Variants in CUL9 observed in about 807,000 individuals in gnomAD.
CUL9 encodes cullin 9, also known as cullin-9.
Under a neutral mutation model 272.6 loss-of-function variants are expected in CUL9, and 79 were observed. That is an observed-to-expected ratio of 0.29 (90% CI 0.24 to 0.35). The LOEUF (loss-of-function observed/expected upper bound fraction) is 0.35. Among genes scored for constraint, CUL9 ranks in the 10% least tolerant of loss-of-function variants. CUL9 has a pLI of 1.00. For synonymous variants in CUL9, 1,186 were observed against 1,286.5 expected (o/e 0.92, Z 1.67); for missense variants, 2,532 against 3,255.6 (o/e 0.78, Z 5.41).
rs754022327 is a variant in CUL9 at position 43,199,368 on chromosome 6, C to T, written c.3153C>T (p.Ser1051=). ...LNCLSGPSSD[S]EIVQELTCFL... is the part of the protein sequence containing the mutation. Reference sequence around the variant, plus strand: ...GCCTGAGTGGCCCTAGCAGTGACTCCGAGGTACCAGAACCCTGGCAAGGAG... The same window carrying T: ...GCCTGAGTGGCCCTAGCAGTGACTCTGAGGTACCAGAACCCTGGCAAGGAG... The change falls in exon 13 of 41, where the codon TCC becomes TCT. Residue 1051 remains serine, a synonymous_variant. Coordinates refer to ENST00000252050, the MANE Select transcript of CUL9 (RefSeq NM_015089.4). The surrounding 1 kb of genome is among the most constrained non-coding windows in gnomAD (Gnocchi z 4.4). The T allele has an allele frequency of 1.8e-5, 29 of 1,611,214 alleles. No individual in the cohort carries two copies. Among genetic ancestry groups the T allele is most frequent in the Admixed American group, 1.5e-4 (9 of 59,930 alleles).
At chr6:43,187,600 T>C (rs1181065936) in intron 6 of CUL9, 113 bp from the exon 7 acceptor site, 20 of 1,352,632 alleles carry the variant, frequency 1.5e-5, no homozygotes, top group Non-Finnish European at 2.0e-5. Context: ...GCTGTGAGGG[T>C]CTAGTATGTA....
chr6:43,198,562 G>C, intron 11 of CUL9, 47 bp from the exon 12 acceptor site: 1 of 1,604,178 alleles, frequency 6.2e-7, no homozygotes, highest in South Asian at 1.1e-5. Context: ...TGACAAACTG[G>C]TAAGACTCTT....
rs777030175 is a variant in CUL9 at position 43,193,040 on chromosome 6, C to T, written c.2220C>T (p.Asn740=). The T allele has an allele frequency of 2.5e-6, 4 of 1,614,038 alleles. No individual in the cohort carries two copies. The South Asian group carries it at 3.3e-5, about 13-fold the overall frequency. Residue 740 remains asparagine (N), a synonymous_variant, in exon 9 of 41, where the codon AAC becomes AAT. Transcript: ENST00000252050. ...AGATGCTGGTGGAGCTGCTGACCAA[C>T]CAGGTGGGAGAGAAGATGGTGGTCG... is the stretch of plus-strand genomic sequence containing the variant. The part of the protein sequence containing the change: ...LVKMLVELLT[N]QVGEKMVVVQ...
intron 8 of CUL9, 193 bp downstream of exon 8, chr6:43,188,908 A>G (rs1443459248): frequency 3.7e-6 from 2 of 543,730 alleles, no homozygotes; most frequent in East Asian, 3.0e-5. Context: ...TATGCCAGGC[A>G]CTGTGCTAGT....
At chr6:43,190,778 G>C (rs1425649352) in intron 8 of CUL9, among the ~76,000 whole-genome samples, 1 of 152,138 alleles carries the variant, frequency 6.6e-6, no homozygotes, top group Non-Finnish European at 1.5e-5. Flanking sequence ...TTCTCCTTCT[G>C]TGTTCTTTCC....
Position 43,224,457 on chromosome 6 carries a change from C to T in CUL9, c.*12C>T, listed in dbSNP as rs1168091326. 3 of 1,610,136 alleles carry T rather than the reference C, an allele frequency of 1.9e-6. No homozygotes were observed. The highest frequency in any genetic ancestry group is 1.3e-5 in the African/African-American group (1 of 74,768). On this transcript the variant is annotated 3_prime_UTR_variant, in exon 41 of 41. Coordinates refer to ENST00000252050, the MANE Select transcript of CUL9 (RefSeq NM_015089.4). This position sits in a 1 kb window ranked among gnomAD's most constrained non-coding sequence, Gnocchi z 4.2. ...AGGCCTATGACTGAGGGGGCAGATG[C>T]AGGAAACACCTAGAGCAGCCCCAGA...
intron 29 of CUL9, among the ~76,000 whole-genome samples, chr6:43,214,422 G>GA (rs1340317282): frequency 1.4e-4 from 21 of 151,376 alleles, no homozygotes; most frequent in Non-Finnish European, 3.0e-5. Flanking sequence ...GTCTCAAAAA[G>GA]AAAAAAAGTC....
In CUL9 at chr6:43,213,692, C is replaced by G; in HGVS notation, c.5489-21C>G. 6.2e-7 allele frequency: 1 copy of G among 1,610,502 alleles called. No homozygotes were observed. Among genetic ancestry groups the G allele is most frequent in the Non-Finnish European group, 8.5e-7 (1 of 1,178,274 alleles). On this transcript the variant is annotated intron_variant, in intron 28 of 40. Coordinates refer to ENST00000252050, the MANE Select transcript of CUL9 (RefSeq NM_015089.4). This position sits in a 1 kb window ranked among gnomAD's most constrained non-coding sequence, Gnocchi z 5.7. ...TCTGTCCCTCTGCCTCCTCTGGTAC[C>G]TGACCGGGAGCGGGTTCCAGGTGTG...
At chr6:43,216,847 T>G (rs1354627723) in intron 31 of CUL9, among the ~76,000 whole-genome samples, 1 of 152,208 alleles carries the variant, frequency 6.6e-6, no homozygotes, top group African/African-American at 2.4e-5. Flanking sequence ...ACAGGAAGTT[T>G]TAAAGCCTCC....
intron 26 of CUL9, among the ~76,000 whole-genome samples, chr6:43,207,397 T>G (rs761812361): frequency 1.5e-4 from 23 of 152,226 alleles, no homozygotes; most frequent in Non-Finnish European, 3.1e-4. Context: ...TACAGTATTC[T>G]GCTGTGTCTG....
At chr6:43,190,652 A>G (rs1265057271) in intron 8 of CUL9, among the ~76,000 whole-genome samples, 1 of 152,212 alleles carries the variant, frequency 6.6e-6, no homozygotes, top group Non-Finnish European at 1.5e-5. Context: ...ATTATCTGGT[A>G]TATAATAAAT....
At chr6:43,214,989 G>C (rs926108529) in intron 29 of CUL9, 90 bp from the exon 30 acceptor site, 68 of 1,448,468 alleles carry the variant, frequency 4.7e-5, no homozygotes, top group Non-Finnish European at 6.1e-5. Flanking sequence ...AAAAAAAGGG[G>C]GGGAAAAATA....
At position 43,223,907 on chromosome 6, in the gene CUL9, G is replaced by T; in HGVS notation, c.7285-188G>T. The T allele has an allele frequency of 1.6e-6, 1 of 636,960 alleles. No homozygotes were observed. The allele number at this position is 636,960 out of a possible 1,614,324, so 39.5% of individuals were successfully genotyped here. The stretch of plus-strand genomic sequence containing the variant: ...AAGCACAGGGTCGTGTGCCTCACCT[G>T]GTACCCCGTATCCCTGGAGACCATC... On this transcript the variant is annotated intron_variant, in intron 39 of 40. Transcript: ENST00000252050. This position sits in a 1 kb window ranked among gnomAD's most constrained non-coding sequence, Gnocchi z 4.1.
intron 3 of CUL9, 27 bp downstream of exon 3, chr6:43,185,637 T>A (rs748979879): frequency 4.4e-6 from 7 of 1,604,054 alleles, no homozygotes; most frequent in Non-Finnish European, 5.1e-6. Context: ...AGGGAAATGC[T>A]GTGTACAAGG....
Position 43,224,400 on chromosome 6 carries a change from C to G in CUL9, c.7509C>G (p.Phe2503Leu). 1.2e-6 allele frequency: 2 copies of G among 1,614,128 alleles called. No individual in the cohort carries two copies. Among genetic ancestry groups the G allele is most frequent in the Non-Finnish European group, 1.7e-6 (2 of 1,180,026 alleles). The change falls in exon 41 of 41, where the codon TTC (phenylalanine) becomes TTG (leucine). Residue 2503 changes from phenylalanine (F) to leucine (L), a missense_variant. Around this residue, in one of 3 missense-constraint regions of CUL9, gnomAD observed 237 missense variants for 305.9 expected, o/e 0.77. Transcript: ENST00000252050. The surrounding 1 kb of genome is among the most constrained non-coding windows in gnomAD (Gnocchi z 4.2). ...DESENLDQETFFFGDEEEDED... is the reference protein window; with the variant it reads ...DESENLDQETLFFGDEEEDED... ...CTGAGAACCTGGACCAAGAGACTTTCTTCTTTGGTGATGAGGAAGAGGATG... is the reference window on the plus strand; with the variant it reads ...CTGAGAACCTGGACCAAGAGACTTTGTTCTTTGGTGATGAGGAAGAGGATG...
Position 43,199,178 on chromosome 6 carries a change from C to T in CUL9, c.3051-88C>T, listed in dbSNP as rs368395151. On this transcript the variant is annotated intron_variant, in intron 12 of 40. Transcript: ENST00000252050. The surrounding 1 kb of genome is among the most constrained non-coding windows in gnomAD (Gnocchi z 4.4). ...CTCGAACTCCCGACCTCAGGTGATC[C>T]GCCCACTTCGGCCTCCCAAAGTGCT... The T allele has an allele frequency of 4.0e-5, 44 of 1,101,540 alleles. No individual in the cohort carries two copies. The African/African-American group carries it at 4.9e-4, about 12-fold the overall frequency. 68.2% of individuals were successfully genotyped at this position (1,101,540 alleles called of 1,614,324 possible). A position where few individuals can be genotyped will look rare whatever the true frequency, so the allele number is the denominator to read the frequency against.
At chr6:43,210,818 A>G (rs1462120190) in intron 26 of CUL9, among the ~76,000 whole-genome samples, 21 of 152,014 alleles carry the variant, frequency 1.4e-4, no homozygotes, top group Admixed American at 1.4e-3. Context: ...GTTTTTGTTT[A>G]CCCTTCTTAT....
At position 43,199,261 on chromosome 6, in the gene CUL9, A is replaced by C; in HGVS notation, c.3051-5A>C. On this transcript the variant is annotated splice_polypyrimidine_tract_variant and splice_region_variant and intron_variant, in intron 12 of 40. Coordinates refer to ENST00000252050, the MANE Select transcript of CUL9 (RefSeq NM_015089.4). The surrounding 1 kb of genome is among the most constrained non-coding windows in gnomAD (Gnocchi z 4.4). ...TGACTTCACTCGTTTCTACCCCCTC[A>C]CCAGGGTCATAACCCGACTGCTGGA... 1 of 1,611,228 alleles carries C rather than the reference A, an allele frequency of 6.2e-7. No individual in the cohort carries two copies. Among genetic ancestry groups the C allele is most frequent in the South Asian group, 1.1e-5 (1 of 91,030 alleles).
chr6:43,213,156 C>G lies in CUL9; in HGVS notation c.5220C>G (p.Asn1740Lys). The G allele has an allele frequency of 6.2e-7, 1 of 1,614,068 alleles. No individual in the cohort carries two copies. Among genetic ancestry groups the G allele is most frequent in the Non-Finnish European group, 8.5e-7 (1 of 1,179,968 alleles). The change falls in exon 27 of 41, where the codon AAC becomes AAG. Residue 1740 changes from asparagine (N) to lysine (K), a missense_variant. Transcript: ENST00000252050. The surrounding 1 kb of genome is among the most constrained non-coding windows in gnomAD (Gnocchi z 5.7). Reference protein sequence around the residue: ...RFSSFYSQSQNHPVLDMGPHR... With the variant: ...RFSSFYSQSQKHPVLDMGPHR... ...TCCTTGACACTTGCCTAGGTCAGAACCATCCAGTCCTGGACATGGGACCAC... is the reference window on the plus strand; with the variant it reads ...TCCTTGACACTTGCCTAGGTCAGAAGCATCCAGTCCTGGACATGGGACCAC...
Sources: allele counts gnomAD v4.1 joint callset (sites outside exome capture counted in the v4.1 genomes callset), GRCh38; gene constraint gnomAD v4.1.1; regional missense constraint gnomAD v4.1.1; non-coding constraint Gnocchi (gnomAD v3.1); transcripts MANE v1.5; gene names NCBI Gene and HGNC (gene_info 2026-07-23, HGNC 2026-07-21).